FAM193A: variants seen among roughly 807,000 people sequenced by gnomAD.
The protein encoded by FAM193A is protein FAM193A.
In FAM193A, 22 loss-of-function variants were observed where a neutral mutation model predicts 126.5. That is an observed-to-expected ratio of 0.17 (90% CI 0.12 to 0.25). The LOEUF (loss-of-function observed/expected upper bound fraction) is 0.25, where lower values mean the gene tolerates loss of function less well. Ranked by LOEUF, FAM193A falls within the 10% of genes least tolerant of loss-of-function variation. FAM193A has a pLI of 1.00. For missense variants in FAM193A, 1,675 were observed against 1,672.8 expected (o/e 1.00, Z -0.02); for synonymous variants, 761 against 646.8 (o/e 1.18, Z -2.68).
chr4:2,563,077 T>G (rs1738725339), intron 1 of FAM193A, among the ~76,000 whole-genome samples: 1 of 152,020 alleles, frequency 6.6e-6, no homozygotes, highest in African/African-American at 2.4e-5. Flanking sequence ...CCCAAGTAAC[T>G]GGGATTACAG....
At chr4:2,690,523 G>A (rs943800508) in intron 14 of FAM193A, among the ~76,000 whole-genome samples, 175 bp from the exon 15 acceptor site, 2 of 152,186 alleles carry the variant, frequency 1.3e-5, no homozygotes, top group East Asian at 3.8e-4. Flanking sequence ...CACATAGTAG[G>A]TGCTCAATAC....
intron 1 of FAM193A, among the ~76,000 whole-genome samples, chr4:2,577,175 C>T (rs112144345): frequency 2.1e-4 from 32 of 151,564 alleles, no homozygotes; most frequent in African/African-American, 7.5e-4. Flanking sequence ...TTTTTTGAGA[C>T]GAAGCCTCGC....
intron 20 of FAM193A, among the ~76,000 whole-genome samples, chr4:2,720,712 T>G (rs916260566): frequency 1.3e-5 from 2 of 151,016 alleles, no homozygotes; most frequent in Non-Finnish European, 2.9e-5. Flanking sequence ...GAAATGTAGC[T>G]CAAAAGAGCA....
chr4:2,637,220 C>T (rs558216843), intron 5 of FAM193A, among the ~76,000 whole-genome samples: 27 of 152,064 alleles, frequency 1.8e-4, no homozygotes, highest in Admixed American at 1.4e-3. Flanking sequence ...CCAGCCACTC[C>T]GGAGGCTGAG....
At chr4:2,608,660 G>A (rs577859688) in intron 2 of FAM193A, among the ~76,000 whole-genome samples, 1 of 152,206 alleles carries the variant, frequency 6.6e-6, no homozygotes, top group Non-Finnish European at 1.5e-5. Context: ...AGTGTTGGTT[G>A]GTCTTAATAA....
At chr4:2,560,368 C>T (rs902134630) in intron 1 of FAM193A, among the ~76,000 whole-genome samples, 2 of 152,184 alleles carry the variant, frequency 1.3e-5, no homozygotes, top group Non-Finnish European at 2.9e-5. Context: ...CTGTACCTTC[C>T]CTTCTGAGTT....
intron 1 of FAM193A, among the ~76,000 whole-genome samples, chr4:2,581,927 A>G (rs897587556): frequency 6.6e-6 from 1 of 152,222 alleles, no homozygotes; most frequent in African/African-American, 2.4e-5. Context: ...TGCTGGGATT[A>G]CAGGCGTGAG....
At chr4:2,716,684 A>C (rs577437362) in intron 20 of FAM193A, among the ~76,000 whole-genome samples, 4 of 152,262 alleles carry the variant, frequency 2.6e-5, no homozygotes, top group African/African-American at 9.6e-5. Flanking sequence ...AATTTTATTT[A>C]TTTTATTTTT....
rs1553886980 is a variant in FAM193A, at chr4:2,565,276, T to TAAAA, written c.255+28107_255+28110dup. Among the ~76,000 whole-genome samples the TAAAA allele has an allele frequency of 8.6e-3, 414 of 47,936 alleles. 2 individuals are homozygous for TAAAA. Among genetic ancestry groups the TAAAA allele is most frequent in the African/African-American group, 0.031 (381 of 12,388 alleles). The allele number at this position is 47,936 out of a possible 152,430, so 31.4% of individuals were successfully genotyped here. On this transcript the variant is annotated intron_variant, in intron 1 of 20. Coordinates refer to ENST00000637812, the MANE Select transcript of FAM193A (RefSeq NM_001366318.2). Reference sequence around the variant, plus strand: ...AGCCTTTTTTTTTTTTTTTTTTTTTTAAAAGATGCAGTCTCCCTCTGTCGC... The same window carrying TAAAA: ...AGCCTTTTTTTTTTTTTTTTTTTTTTAAAAAAAAGATGCAGTCTCCCTCTGTCGC...
chr4:2,639,417 A>T (rs1233839193), intron 5 of FAM193A, among the ~76,000 whole-genome samples: 1 of 152,092 alleles, frequency 6.6e-6, no homozygotes, highest in Non-Finnish European at 1.5e-5. Flanking sequence ...TAATTGTGAG[A>T]AATGACTCTC....
chr4:2,583,248 A>G (rs138164213), intron 1 of FAM193A, among the ~76,000 whole-genome samples: 11 of 152,360 alleles, frequency 7.2e-5, no homozygotes, highest in African/African-American at 2.2e-4. Flanking sequence ...TGCTGGGATC[A>G]TAGGCGTGAG....
chr4:2,614,955 T>C (rs1475406098), intron 2 of FAM193A, among the ~76,000 whole-genome samples: 1 of 152,248 alleles, frequency 6.6e-6, no homozygotes, highest in African/African-American at 2.4e-5. Context: ...TTATTCCTGA[T>C]ACCAGTTTTT....
At position 2,700,338 on chromosome 4, in the gene FAM193A, A is replaced by G; in HGVS notation, c.4166A>G (p.Glu1389Gly). 1 of 1,614,044 alleles carries G rather than the reference A, an allele frequency of 6.2e-7. No individual in the cohort carries two copies. Among genetic ancestry groups the G allele is most frequent in the Non-Finnish European group, 8.5e-7 (1 of 1,180,002 alleles). The stretch of plus-strand genomic sequence containing the variant: ...ATGTCCATCACAGAGCAGAAAAGAG[A>G]GGAGAGAAAAGTCAACAGTAATAAC... ...DLMSITEQKREERKVNSNNNN... is the reference protein window; with the variant it reads ...DLMSITEQKRGERKVNSNNNN... The change falls in exon 19 of 21, where the codon GAG (glutamate) becomes GGG (glycine). Residue 1389 changes from glutamate (E) to glycine (G), a missense_variant. Glu to Gly is a moderately conservative substitution (Grantham distance 98). This residue lies in a region of FAM193A where 415 missense variants were observed against 396.7 expected (regional missense o/e 1.05). Transcript: ENST00000637812.
intron 20 of FAM193A, among the ~76,000 whole-genome samples, chr4:2,716,318 C>A (rs528674099): frequency 1.3e-5 from 2 of 152,348 alleles, no homozygotes; most frequent in South Asian, 2.1e-4. Context: ...TCTGCTCCCC[C>A]TCACATGCTA....
intron 1 of FAM193A, among the ~76,000 whole-genome samples, chr4:2,538,686 C>CGG (rs1183181389): frequency 2.4e-5 from 1 of 42,274 alleles, no homozygotes; most frequent in African/African-American, 9.4e-5. Flanking sequence ...TAGGGGAGGG[C>CGG]GGGGGGGGTT....
In FAM193A at chr4:2,657,828, T is replaced by G; in HGVS notation, c.1337T>G (p.Met446Arg). Residue 446 changes from methionine to arginine, a missense_variant, in exon 8 of 21, where the codon ATG (methionine) becomes AGG (arginine). Around this residue, in one of 4 missense-constraint regions of FAM193A, gnomAD observed 1,186 missense variants for 1,109.2 expected, o/e 1.07. Coordinates refer to ENST00000637812, the MANE Select transcript of FAM193A (RefSeq NM_001366318.2). ...EQMTMKTKQR[M>R]LTEDWELFKQ... The stretch of plus-strand genomic sequence containing the variant: ...ATGACAATGAAAACCAAGCAGCGCA[T>G]GTTAACAGAAGACTGGGAGCTTTTT... The G allele has an allele frequency of 6.2e-7, 1 of 1,612,774 alleles. No individual in the cohort carries two copies. The highest frequency in any genetic ancestry group is 8.5e-7 in the Non-Finnish European group (1 of 1,179,552).
intron 1 of FAM193A, among the ~76,000 whole-genome samples, chr4:2,580,946 G>A (rs756497813): frequency 2.0e-4 from 30 of 152,118 alleles, no homozygotes; most frequent in Non-Finnish European, 3.7e-4. Context: ...TGGCTAACAC[G>A]GTGAAACCCC....
intron 1 of FAM193A, among the ~76,000 whole-genome samples, chr4:2,586,256 T>A (rs183785338): frequency 0.038 from 5,113 of 134,674 alleles, 121 homozygotes; most frequent in African/African-American, 0.067. Context: ...AAAAAAAAAA[T>A]ATATATATAT....
chr4:2,731,196 C>CAAAAA (rs546217602), intron 20 of FAM193A, among the ~76,000 whole-genome samples: 23 of 86,874 alleles, frequency 2.6e-4, no homozygotes, highest in African/African-American at 1.1e-3. Flanking sequence ...AACTCCTTCT[C>CAAAAA]AAAAAAAAAA....
Sources: gnomAD v4.1 joint callset for allele counts (sites outside exome capture counted in the v4.1 genomes callset) on GRCh38, gnomAD v4.1.1 for gene constraint, gnomAD v4.1.1 regional missense constraint, MANE v1.5 for transcripts, NCBI Gene and HGNC (gene_info 2026-07-23, HGNC 2026-07-21) for gene names.